SCMH1: variants seen among roughly 807,000 people sequenced by gnomAD.
SCMH1 encodes polycomb protein SCMH1.
A neutral mutation model predicts 70.8 loss-of-function variants in SCMH1; 37 were observed. That is an observed-to-expected ratio of 0.52 (90% CI 0.40 to 0.69). The LOEUF (loss-of-function observed/expected upper bound fraction) is 0.69, where lower values mean the gene tolerates loss of function less well. SCMH1 is among the 30% of genes least tolerant of loss of function. The pLI, the probability that SCMH1 is intolerant of heterozygous loss-of-function variation, is 0.00. For synonymous variants in SCMH1, 292 were observed against 307.4 expected, an observed-to-expected ratio of 0.95 and a Z score of 0.52; for missense variants, 607 against 827.3, an observed-to-expected ratio of 0.73 and a Z score of 3.27.
At chr1:41,098,131 T>A (rs1230473430) in intron 8 of SCMH1, among the ~76,000 whole-genome samples, 1 of 152,238 alleles carries the variant, frequency 6.6e-6, no homozygotes, top group Non-Finnish European at 1.5e-5. Context: ...TTTTGAGCTT[T>A]ATATATTATA....
At chr1:41,232,606 G>C (rs1459444675) in intron 1 of SCMH1, among the ~76,000 whole-genome samples, 1 of 152,156 alleles carries the variant, frequency 6.6e-6, no homozygotes, top group South Asian at 2.1e-4. Context: ...CTTATAAACT[G>C]CATAATCTTG....
exon 15 of SCMH1, chr1:41,027,254 G>A (rs1165882706): frequency 6.6e-6 from 1 of 152,258 alleles, no homozygotes; most frequent in Non-Finnish European, 1.5e-5. Context: ...AAGTCCAGAT[G>A]GCAGCGTGAG....
chr1:41,129,751 A>G (rs1244800815), intron 6 of SCMH1, among the ~76,000 whole-genome samples: 1 of 152,140 alleles, frequency 6.6e-6, no homozygotes, highest in African/African-American at 2.4e-5. Context: ...CTGAGTATAT[A>G]CCCAGAAATG....
In SCMH1 at chr1:41,160,908, A is replaced by G; in HGVS notation, c.83-10T>C. ...AGGATGTCAGCAGCTTCTAGTAAAG[A>G]AAAAAATGTTGGAGCATAAGTCATT... is the stretch of plus-strand genomic sequence containing the variant. On this transcript the variant is annotated splice_polypyrimidine_tract_variant and intron_variant, in intron 3 of 14. Transcript: ENST00000337495. 1 of 1,549,062 alleles carries G rather than the reference A, an allele frequency of 6.5e-7. No homozygotes were observed. Among genetic ancestry groups the G allele is most frequent in the South Asian group, 1.2e-5 (1 of 84,024 alleles).
At chr1:41,145,143 T>C (rs1010151425) in intron 5 of SCMH1, among the ~76,000 whole-genome samples, 2 of 152,134 alleles carry the variant, frequency 1.3e-5, no homozygotes, top group Admixed American at 6.5e-5. Flanking sequence ...GGTGTTATAA[T>C]ATCTAATCCA....
At chr1:41,163,063 G>C (rs949607707) in intron 2 of SCMH1, 3 of 152,424 alleles carry the variant, frequency 2.0e-5, no homozygotes, top group African/African-American at 7.2e-5. Flanking sequence ...CAGCCCTTTG[G>C]GGAGCCCAGA....
At chr1:41,152,649 G>A (rs780863677) in intron 4 of SCMH1, 1 of 1,614,168 alleles carries the variant, frequency 6.2e-7, no homozygotes, top group Non-Finnish European at 8.5e-7. Flanking sequence ...AATCTCACAA[G>A]CTAAAACACT....
chr1:41,161,548 T>C (rs1646033919), intron 2 of SCMH1, 116 bp from the exon 3 acceptor site: 1 of 1,182,506 alleles, frequency 8.5e-7, no homozygotes. Context: ...CGAGATTCTA[T>C]GCTAAGGAAA....
intron 9 of SCMH1, among the ~76,000 whole-genome samples, chr1:41,072,674 C>T (rs549818041): frequency 5.3e-5 from 8 of 152,098 alleles, no homozygotes; most frequent in Admixed American, 3.3e-4. Flanking sequence ...CCAGCCTGGG[C>T]AACATAGCAA....
At chr1:41,198,209 A>G (rs562388545) in intron 1 of SCMH1, among the ~76,000 whole-genome samples, 1 of 152,336 alleles carries the variant, frequency 6.6e-6, no homozygotes, top group Admixed American at 6.5e-5. Context: ...ATGAAGTCAC[A>G]GTCCATTCTT....
At chr1:41,105,564 T>C (rs1667685641) in intron 8 of SCMH1, among the ~76,000 whole-genome samples, 1 of 152,184 alleles carries the variant, frequency 6.6e-6, no homozygotes. Context: ...CATAAATACT[T>C]ACACTGAAAA....
chr1:41,170,239 T>C (rs1490541380), intron 2 of SCMH1, among the ~76,000 whole-genome samples: 1 of 152,218 alleles, frequency 6.6e-6, no homozygotes, highest in East Asian at 1.9e-4. Context: ...AGCCAGACCA[T>C]GAAGAATCTT....
rs571924029 is a variant in SCMH1, at chr1:41,177,441, C to T, written c.13+8680G>A. 5.3e-5 allele frequency among the ~76,000 whole-genome samples: 8 copies of T among 152,028 alleles called. No homozygotes were observed. In the East Asian group the frequency reaches 7.8e-4, roughly 15 times the overall value. ...AAGGCTTCAGACGATCAAACGACTC[C>T]GAGCTAAAGGAGGAAGTTCGAACCC... is the stretch of plus-strand genomic sequence containing the variant. On this transcript the variant is annotated intron_variant, in intron 2 of 14. Transcript: ENST00000337495.
At chr1:41,102,672 A>G (rs771058061) in intron 8 of SCMH1, among the ~76,000 whole-genome samples, 2 of 152,216 alleles carry the variant, frequency 1.3e-5, no homozygotes, top group African/African-American at 2.4e-5. Flanking sequence ...CAAAAGCCTC[A>G]TATTACTGAA....
chr1:41,084,280 G>T lies in SCMH1; in HGVS notation c.746-8829C>A, dbSNP rs550095346. Among the ~76,000 whole-genome samples the T allele has an allele frequency of 2.0e-5, 3 of 152,222 alleles. No homozygotes were observed. The South Asian group carries it at 6.2e-4, about 32-fold the overall frequency. ...ACAATGAACTTAAACAAATTTACAAGAAAAAGACAAACAACCCCATCAAAA... is the reference window on the plus strand; with the variant it reads ...ACAATGAACTTAAACAAATTTACAATAAAAAGACAAACAACCCCATCAAAA... On this transcript the variant is annotated intron_variant, in intron 8 of 14. Coordinates refer to ENST00000337495, the Ensembl canonical transcript of SCMH1.
chr1:41,172,199 A>C (rs1399626569), intron 2 of SCMH1, among the ~76,000 whole-genome samples: 2 of 151,940 alleles, frequency 1.3e-5, no homozygotes, highest in African/African-American at 4.8e-5. Flanking sequence ...AAAAAAAAAA[A>C]AACGCTGTAC....
intron 1 of SCMH1, among the ~76,000 whole-genome samples, chr1:41,226,446 T>G (rs890335622): frequency 1.3e-5 from 2 of 152,150 alleles, no homozygotes; most frequent in African/African-American, 4.8e-5. Context: ...ACATAAGGAT[T>G]ACTTTTGTAA....
intron 4 of SCMH1, among the ~76,000 whole-genome samples, chr1:41,152,242 C>G (rs2236129): frequency 0.086 from 13,142 of 152,174 alleles, 919 homozygotes; most frequent in East Asian, 0.27. Flanking sequence ...CTGGCTCTCT[C>G]TCACCTACCC....
At chr1:41,130,763 AG>A (rs1162029043) in intron 6 of SCMH1, among the ~76,000 whole-genome samples, 2 of 152,190 alleles carry the variant, frequency 1.3e-5, no homozygotes, top group Non-Finnish European at 2.9e-5. Flanking sequence ...TCCTCCAAAA[AG>A]AGGCCCAATA....
Sources: gnomAD v4.1 joint callset for allele counts (sites outside exome capture counted in the v4.1 genomes callset) on GRCh38, gnomAD v4.1.1 for gene constraint, MANE v1.5 for transcripts, NCBI Gene and HGNC (gene_info 2026-07-23, HGNC 2026-07-21) for gene names.